The following PROS1 variants were observed in gnomAD, a reference collection of about 807,000 sequenced individuals.
PROS1 encodes vitamin K-dependent protein S.
PROS1 carries 29 observed loss-of-function variants against 75.9 expected under a neutral mutation model. That is an observed-to-expected ratio of 0.38 (90% CI 0.28 to 0.52). The LOEUF is 0.52. Among genes scored for constraint, PROS1 ranks in the 20% least tolerant of loss-of-function variants. The pLI is 0.83. For missense variants in PROS1, 680 were observed against 810.3 expected (o/e 0.84, Z 1.95); for synonymous variants, 245 against 280.6 (o/e 0.87, Z 1.27).
chr3:93,896,495 C>T lies in PROS1; in HGVS notation c.965+81G>A, dbSNP rs1343024278. On this transcript the variant is annotated intron_variant, in intron 9 of 14. Transcript: ENST00000394236. The stretch of plus-strand genomic sequence containing the variant: ...ATCTGATAGGTAATACAATTTCACA[C>T]ACTTCAAACCTTTTCGGCCACTTTT... 2.9e-6 allele frequency: 3 copies of T among 1,021,664 alleles called. No homozygotes were observed. The African/African-American group carries it at 4.7e-5, about 16-fold the overall frequency. 63.3% of individuals were successfully genotyped at this position (1,021,664 alleles called of 1,614,324 possible).
chr3:93,948,593 C>G (rs1055665207), intron 1 of PROS1, among the ~76,000 whole-genome samples: 1 of 152,152 alleles, frequency 6.6e-6, no homozygotes, highest in African/African-American at 2.4e-5. Flanking sequence ...CACTCAAAAG[C>G]ACAAACTGTT....
At chr3:93,956,242 G>T (rs1391017052) in intron 1 of PROS1, among the ~76,000 whole-genome samples, 1 of 152,058 alleles carries the variant, frequency 6.6e-6, no homozygotes, top group African/African-American at 2.4e-5. Flanking sequence ...ACTCTAGAAA[G>T]AATAATAATT....
At chr3:93,959,397 C>T (rs775401741) in intron 1 of PROS1, among the ~76,000 whole-genome samples, 49 of 152,144 alleles carry the variant, frequency 3.2e-4, no homozygotes, top group Non-Finnish European at 5.0e-4. Flanking sequence ...TCTTTACCCA[C>T]CTCACATCTA....
At chr3:93,938,986 T>G (rs1709234659) in intron 1 of PROS1, among the ~76,000 whole-genome samples, 1 of 152,170 alleles carries the variant, frequency 6.6e-6, no homozygotes, top group Admixed American at 6.5e-5. Flanking sequence ...CTCTTTTCTC[T>G]GGGCTTGCCT....
At chr3:93,972,076 C>G (rs1709889966) in intron 1 of PROS1, among the ~76,000 whole-genome samples, 1 of 152,082 alleles carries the variant, frequency 6.6e-6, no homozygotes, top group South Asian at 2.1e-4. Flanking sequence ...TAATTTTTAC[C>G]TCTGCCTAGA....
intron 10 of PROS1, among the ~76,000 whole-genome samples, chr3:93,891,880 C>T (rs916476120): frequency 6.6e-6 from 1 of 151,664 alleles, no homozygotes; most frequent in Non-Finnish European, 1.5e-5. Context: ...CATAGCAAGA[C>T]CCTGTGTCTA....
intron 2 of PROS1, among the ~76,000 whole-genome samples, chr3:93,926,809 A>C (rs1408354838): frequency 6.6e-6 from 1 of 152,324 alleles, no homozygotes; most frequent in East Asian, 1.9e-4. Flanking sequence ...AATATTTGCA[A>C]ACCATGAGGT....
intron 3 of PROS1, among the ~76,000 whole-genome samples, chr3:93,915,643 T>C (rs1220551563): frequency 2.0e-5 from 3 of 152,244 alleles, no homozygotes; most frequent in East Asian, 3.8e-4. Flanking sequence ...GTCTTTACTC[T>C]AGTTTCCAGT....
rs1708683451 is a variant in PROS1, at chr3:93,906,796, C to T, written c.347-653G>A. Reference sequence around the variant, plus strand: ...CTTGCTTCCTGACCTCTCCTCTCTCCTGGCACCCACTCTGGTCATGGAACA... The same window carrying T: ...CTTGCTTCCTGACCTCTCCTCTCTCTTGGCACCCACTCTGGTCATGGAACA... On this transcript the variant is annotated intron_variant, in intron 4 of 14. Coordinates refer to ENST00000394236, the MANE Select transcript of PROS1 (RefSeq NM_000313.4). 3.3e-5 allele frequency among the ~76,000 whole-genome samples: 5 copies of T among 152,222 alleles called. No homozygotes were observed. The South Asian group carries it at 1.0e-3, about 31-fold the overall frequency.
intron 1 of PROS1, among the ~76,000 whole-genome samples, chr3:93,971,273 A>C (rs1232332702): frequency 7.3e-5 from 11 of 151,658 alleles, no homozygotes; most frequent in Admixed American, 2.0e-4. Flanking sequence ...ACTTGAACCC[A>C]GGAGGCAGAG....
chr3:93,892,711 A>G (rs569417753), intron 10 of PROS1, among the ~76,000 whole-genome samples: 8 of 152,258 alleles, frequency 5.3e-5, no homozygotes, highest in South Asian at 2.1e-4. Flanking sequence ...AAAGTTAAAG[A>G]CAGAGTAGTT....
intron 10 of PROS1, among the ~76,000 whole-genome samples, chr3:93,889,987 C>G: frequency 6.6e-6 from 1 of 152,114 alleles, no homozygotes; most frequent in South Asian, 2.1e-4. Context: ...AGCCTACAAA[C>G]GGACCTGCAA....
chr3:93,944,999 C>A (rs1294625405), intron 1 of PROS1, among the ~76,000 whole-genome samples: 1 of 152,076 alleles, frequency 6.6e-6, no homozygotes, highest in Non-Finnish European at 1.5e-5. Flanking sequence ...CCACCGATCC[C>A]ACAGAAATAC....
chr3:93,880,358 C>T (rs532581562), intron 12 of PROS1, among the ~76,000 whole-genome samples: 33 of 151,986 alleles, frequency 2.2e-4, no homozygotes, highest in Middle Eastern at 6.8e-3. Flanking sequence ...AAAAATTAGC[C>T]GAGCATGGTG....
At position 93,905,856 on chromosome 3, in the gene PROS1, T is replaced by C. The variant is rs138674918; in HGVS notation, c.529A>G (p.Asn177Asp). 3.7e-6 allele frequency: 6 copies of C among 1,612,910 alleles called. No individual in the cohort carries two copies. The African/African-American group carries it at 8.0e-5, about 22-fold the overall frequency. The change falls in exon 6 of 15, where the codon AAT (asparagine) becomes GAT (aspartate). Residue 177 changes from asparagine to aspartate, a missense_variant. Transcript: ENST00000394236. Reference sequence around the variant, plus strand: ...GAACAGTGGTAACTTCCAGGTGTATTATCACAAATTTGACTGCAACCTCCA... The same window carrying C: ...GAACAGTGGTAACTTCCAGGTGTATCATCACAAATTTGACTGCAACCTCCA... ...INGGCSQICD[N>D]TPGSYHCSCK...
intron 3 of PROS1, among the ~76,000 whole-genome samples, chr3:93,921,763 CCT>C (rs1708945664): frequency 6.6e-6 from 1 of 152,078 alleles, no homozygotes; most frequent in African/African-American, 2.4e-5. Flanking sequence ...ATTGGCATTT[CCT>C]CTTTCTCTTT....
At chr3:93,887,902 G>A (rs1052021653) in intron 10 of PROS1, among the ~76,000 whole-genome samples, 1 of 152,206 alleles carries the variant, frequency 6.6e-6, no homozygotes, top group African/African-American at 2.4e-5. Flanking sequence ...ATGAGTAGGG[G>A]CCATGCTGGC....
chr3:93,959,561 T>A (rs1460453531), intron 1 of PROS1, among the ~76,000 whole-genome samples: 2 of 152,172 alleles, frequency 1.3e-5, no homozygotes, highest in Admixed American at 6.5e-5. Context: ...ATCTTCTCTA[T>A]CTCATTAAAA....
chr3:93,932,604 T>C (rs1576201416), intron 1 of PROS1, among the ~76,000 whole-genome samples: 5 of 152,350 alleles, frequency 3.3e-5, no homozygotes, highest in Admixed American at 2.0e-4. Flanking sequence ...GGAACAATTA[T>C]GACAATAATA....
Sources: gnomAD v4.1 joint callset for allele counts (sites outside exome capture counted in the v4.1 genomes callset) on GRCh38, gnomAD v4.1.1 for gene constraint, MANE v1.5 for transcripts, NCBI Gene and HGNC (gene_info 2026-07-23, HGNC 2026-07-21) for gene names.